ELMO1: variants seen among roughly 807,000 people sequenced by gnomAD.
ELMO1 encodes engulfment and cell motility 1.
ELMO1 carries 26 observed loss-of-function variants against 98.9 expected under a neutral mutation model. That is an observed-to-expected ratio of 0.26 (90% CI 0.19 to 0.36). ELMO1 has a LOEUF of 0.36. ELMO1 is among the 10% of genes least tolerant of loss of function. The pLI, the probability that ELMO1 is intolerant of heterozygous loss-of-function variation, is 1.00. For synonymous variants in ELMO1, 346 were observed against 346.0 expected, an observed-to-expected ratio of 1.00 and a Z score of 0.00; for missense variants, 627 against 935.2, an observed-to-expected ratio of 0.67 and a Z score of 4.30.
chr7:37,417,399 C>A (rs1030060762), intron 1 of ELMO1, among the ~76,000 whole-genome samples: 1 of 152,164 alleles, frequency 6.6e-6, no homozygotes, highest in Admixed American at 6.5e-5. Context: ...CGGTGTCTTA[C>A]GCCTGTAATC....
chr7:36,934,623 G>T (rs1317521000), intron 16 of ELMO1, among the ~76,000 whole-genome samples: 3 of 152,114 alleles, frequency 2.0e-5, no homozygotes, highest in South Asian at 4.1e-4. Context: ...ATTAGGAGAT[G>T]AAAAAAGAAA....
intron 1 of ELMO1, among the ~76,000 whole-genome samples, chr7:37,347,582 G>T (rs566662756): frequency 6.6e-6 from 1 of 152,080 alleles, no homozygotes; most frequent in East Asian, 1.9e-4. Context: ...TTTATAAGGG[G>T]AACACCCTCT....
intron 16 of ELMO1, among the ~76,000 whole-genome samples, chr7:36,939,763 C>G (rs1023157384): frequency 9.2e-5 from 14 of 152,332 alleles, no homozygotes; most frequent in Admixed American, 3.3e-4. Context: ...TTGCAAAAGC[C>G]CACCCTCCTG....
intron 1 of ELMO1, among the ~76,000 whole-genome samples, chr7:37,388,788 G>T (rs1168087607): frequency 6.6e-5 from 10 of 152,194 alleles, no homozygotes; most frequent in Non-Finnish European, 1.0e-4. Flanking sequence ...GGGCAATAGA[G>T]AGAGACCCTG....
intron 16 of ELMO1, among the ~76,000 whole-genome samples, chr7:36,950,038 C>T (rs970371562): frequency 3.3e-5 from 5 of 152,184 alleles, no homozygotes; most frequent in African/African-American, 9.7e-5. Flanking sequence ...TGCTCCTATA[C>T]ATCTCATTTC....
At chr7:36,896,822 G>A (rs1488148417) in intron 16 of ELMO1, among the ~76,000 whole-genome samples, 2 of 152,184 alleles carry the variant, frequency 1.3e-5, no homozygotes, top group Non-Finnish European at 2.9e-5. Context: ...CATATGACGG[G>A]CACCATAGGG....
chr7:37,198,632 C>T (rs1792105520), intron 13 of ELMO1, among the ~76,000 whole-genome samples: 1 of 152,246 alleles, frequency 6.6e-6, no homozygotes, highest in African/African-American at 2.4e-5. Context: ...TAGCCTCAAA[C>T]ACAATTGACT....
chr7:37,079,052 A>G (rs1797727957), intron 15 of ELMO1, among the ~76,000 whole-genome samples: 1 of 152,188 alleles, frequency 6.6e-6, no homozygotes. Flanking sequence ...AGTGTGCACT[A>G]TCTAATTCAG....
chr7:37,227,434 G>A (rs1793931032), intron 8 of ELMO1, among the ~76,000 whole-genome samples: 1 of 152,082 alleles, frequency 6.6e-6, no homozygotes, highest in East Asian at 1.9e-4. Flanking sequence ...TGCCCAGGCT[G>A]GAGTGCAATG....
chr7:37,231,941 C>T (rs1182902149), intron 8 of ELMO1, among the ~76,000 whole-genome samples: 1 of 152,096 alleles, frequency 6.6e-6, no homozygotes, highest in Non-Finnish European at 1.5e-5. Flanking sequence ...CAACCTCTGC[C>T]TCCCAGGCTC....
chr7:37,341,291 G>C (rs1800705446), intron 2 of ELMO1, among the ~76,000 whole-genome samples: 2 of 152,212 alleles, frequency 1.3e-5, no homozygotes, highest in Non-Finnish European at 2.9e-5. Flanking sequence ...TGGTCTCTTA[G>C]GCTGTGGCCA....
At chr7:36,921,363 A>G (rs566377821) in intron 16 of ELMO1, among the ~76,000 whole-genome samples, 19 of 152,302 alleles carry the variant, frequency 1.2e-4, no homozygotes, top group African/African-American at 4.6e-4. Flanking sequence ...GCAAGTTATT[A>G]AACCTCTCTT....
At chr7:37,120,874 C>T (rs908702049) in intron 14 of ELMO1, among the ~76,000 whole-genome samples, 1 of 152,180 alleles carries the variant, frequency 6.6e-6, no homozygotes, top group Non-Finnish European at 1.5e-5. Flanking sequence ...GAGGCACCCC[C>T]CAGTAGGGGC....
chr7:37,216,709 A>G lies in ELMO1; in HGVS notation c.781-14T>C. Reference sequence around the variant, plus strand: ...ATTCGCCATCTCCTGTGGAAGAAAAACACACCCACACAAAGGCTTAGGTTA... The same window carrying G: ...ATTCGCCATCTCCTGTGGAAGAAAAGCACACCCACACAAAGGCTTAGGTTA... On this transcript the variant is annotated splice_polypyrimidine_tract_variant and intron_variant, in intron 10 of 21. Transcript: ENST00000310758. The G allele has an allele frequency of 6.2e-7, 1 of 1,614,010 alleles. No individual in the cohort carries two copies.
intron 16 of ELMO1, among the ~76,000 whole-genome samples, chr7:36,988,375 T>G (rs1791655833): frequency 6.6e-6 from 1 of 152,198 alleles, no homozygotes; most frequent in Admixed American, 6.5e-5. Flanking sequence ...GCCAAAACCA[T>G]CATTCCATCC....
chr7:36,961,221 C>A lies in ELMO1; in HGVS notation c.1437+52078G>T, dbSNP rs367948450. 2.0e-5 allele frequency among the ~76,000 whole-genome samples: 3 copies of A among 152,308 alleles called. No individual in the cohort carries two copies. The East Asian group carries it at 5.8e-4, about 29-fold the overall frequency. ...CTTCCCATATACCTTCTCAGAGAGG[C>A]CTGTTATACAAAATTCCATTCTTCA... is the stretch of plus-strand genomic sequence containing the variant. On this transcript the variant is annotated intron_variant, in intron 16 of 21. Coordinates refer to ENST00000310758, the MANE Select transcript of ELMO1 (RefSeq NM_014800.11).
At chr7:37,378,583 C>T (rs546439054) in intron 1 of ELMO1, among the ~76,000 whole-genome samples, 12 of 151,312 alleles carry the variant, frequency 7.9e-5, no homozygotes, top group East Asian at 3.9e-4. Context: ...TTCCTACTGC[C>T]GTGGTATAAA....
At chr7:37,408,010 C>T (rs1291283691) in intron 1 of ELMO1, among the ~76,000 whole-genome samples, 1 of 152,034 alleles carries the variant, frequency 6.6e-6, no homozygotes, top group Non-Finnish European at 1.5e-5. Context: ...AAAATAGTAA[C>T]TTCAAAAAAT....
At chr7:37,201,248 C>T (rs1001142557) in intron 13 of ELMO1, among the ~76,000 whole-genome samples, 1 of 152,188 alleles carries the variant, frequency 6.6e-6, no homozygotes, top group South Asian at 2.1e-4. Context: ...ACTCCCTTTA[C>T]TACCCTGCCC....
Sources: gnomAD v4.1 joint callset for allele counts (sites outside exome capture counted in the v4.1 genomes callset) on GRCh38, gnomAD v4.1.1 for gene constraint, MANE v1.5 for transcripts, NCBI Gene and HGNC (gene_info 2026-07-23, HGNC 2026-07-21) for gene names.